The following TENM3 variants were observed in gnomAD, a reference collection of about 807,000 sequenced individuals.
TENM3 encodes the protein teneurin transmembrane protein 3.
TENM3 carries 63 observed loss-of-function variants against 255.1 expected under a neutral mutation model. The observed-to-expected ratio is 0.25, with a 90% CI of 0.20 to 0.30. The LOEUF (loss-of-function observed/expected upper bound fraction) is 0.30. TENM3 is among the 10% of genes least tolerant of loss of function. TENM3 has a pLI of 1.00. For missense variants in TENM3, 2,929 were observed against 3,461.1 expected (o/e 0.85, Z 3.86); for synonymous variants, 1,306 against 1,322.3 (o/e 0.99, Z 0.27).
chr4:182,362,379 GGA>G (rs145777403), intron 3 of TENM3, among the ~76,000 whole-genome samples: 151,152 of 151,678 alleles, frequency 1, 75,314 homozygotes, highest in Middle Eastern at 1. Context: ...CTACCCAGTT[GGA>G]GAGCTTCCCG....
intron 1 of TENM3, among the ~76,000 whole-genome samples, chr4:182,287,371 A>G (rs571442273): frequency 6.6e-6 from 1 of 152,152 alleles, no homozygotes; most frequent in African/African-American, 2.4e-5. Flanking sequence ...GCTGTAATAC[A>G]CCGAGCTTTT....
chr4:182,650,907 TATATATATATATATATAA>T (rs1222795334), intron 5 of TENM3, among the ~76,000 whole-genome samples: 3,249 of 36,394 alleles, frequency 0.089, 133 homozygotes, highest in African/African-American at 0.17. Flanking sequence ...TATATATATA[TATATATATATATATATAA>T]AACAAAGCTG....
chr4:182,650,889 A>AAAATATATATATATATATATATAT (rs1281790163), intron 5 of TENM3, among the ~76,000 whole-genome samples: 4 of 29,750 alleles, frequency 1.3e-4, no homozygotes, highest in African/African-American at 4.7e-4. Context: ...AATAAAAAAA[A>AAAATATATATATATATATATATAT]ATATATATAT....
chr4:182,075,755 C>T, the TENM3 span, among the ~76,000 whole-genome samples: 1 of 152,178 alleles, frequency 6.6e-6, no homozygotes, highest in Non-Finnish European at 1.5e-5. Flanking sequence ...TTCAGCCCTG[C>T]ACTCAAGGCT....
chr4:181,601,480 C>T, the TENM3 span, among the ~76,000 whole-genome samples: 1 of 152,138 alleles, frequency 6.6e-6, no homozygotes, highest in Admixed American at 6.5e-5. Context: ...GCTATGTCCT[C>T]ATATCATCAG....
the TENM3 span, among the ~76,000 whole-genome samples, chr4:182,008,584 C>T: frequency 6.6e-6 from 1 of 151,970 alleles, no homozygotes; most frequent in Non-Finnish European, 1.5e-5. Flanking sequence ...TCAGCTCCAT[C>T]AAGTTGTTTA....
At chr4:182,467,900 T>C (rs554857940) in intron 3 of TENM3, among the ~76,000 whole-genome samples, 11 of 152,126 alleles carry the variant, frequency 7.2e-5, no homozygotes, top group Non-Finnish European at 1.2e-4. Flanking sequence ...ATCAGGGACT[T>C]CAATCTGATA....
intron 24 of TENM3, among the ~76,000 whole-genome samples, chr4:182,779,039 C>CT (rs58176239): frequency 5.0e-4 from 49 of 98,088 alleles, no homozygotes; most frequent in Admixed American, 7.1e-4. Flanking sequence ...ACAATGTGTT[C>CT]TTTTTTTTTT....
chr4:182,696,005 CAT>C (rs1326863245), intron 12 of TENM3, among the ~76,000 whole-genome samples: 11 of 152,210 alleles, frequency 7.2e-5, no homozygotes, highest in East Asian at 1.9e-4. Context: ...CACTGAATCA[CAT>C]GAGTGCACCA....
chr4:181,528,458 T>C, the TENM3 span, among the ~76,000 whole-genome samples: 8 of 152,198 alleles, frequency 5.3e-5, no homozygotes, highest in African/African-American at 1.9e-4. Flanking sequence ...GACCTTCTCT[T>C]GTAAATGAGA....
chr4:182,058,492 G>C, the TENM3 span, among the ~76,000 whole-genome samples: 1 of 152,132 alleles, frequency 6.6e-6, no homozygotes, highest in Admixed American at 6.5e-5. Flanking sequence ...ATTCTTGACA[G>C]TGTTACAGTA....
At chr4:182,735,066 C>A (rs1287067357) in intron 16 of TENM3, among the ~76,000 whole-genome samples, 1 of 152,142 alleles carries the variant, frequency 6.6e-6, no homozygotes, top group Admixed American at 6.5e-5. Context: ...TATGGGAGAA[C>A]AATGAGTTAT....
the TENM3 span, among the ~76,000 whole-genome samples, chr4:181,450,032 T>G: frequency 6.6e-6 from 1 of 152,140 alleles, no homozygotes; most frequent in Non-Finnish European, 1.5e-5. Flanking sequence ...AAACTACTAT[T>G]TAATATGTAG....
chr4:181,839,302 C>T, the TENM3 span, among the ~76,000 whole-genome samples: 39,250 of 141,736 alleles, frequency 0.28, 5,850 homozygotes, highest in Middle Eastern at 0.34. Context: ...TTTATATCTT[C>T]TCTCTGTCTG....
At chr4:182,478,128 T>A (rs981554198) in intron 3 of TENM3, among the ~76,000 whole-genome samples, 3 of 152,134 alleles carry the variant, frequency 2.0e-5, no homozygotes, top group African/African-American at 7.2e-5. Flanking sequence ...TTTAGAATTT[T>A]GAATTTTAAA....
At chr4:181,961,417 G>GT in the TENM3 span, among the ~76,000 whole-genome samples, 1 of 152,056 alleles carries the variant, frequency 6.6e-6, no homozygotes, top group Non-Finnish European at 1.5e-5. Context: ...AGTTTTTGTG[G>GT]TTTTTTGTTG....
intron 12 of TENM3, among the ~76,000 whole-genome samples, chr4:182,697,080 A>C (rs557164338): frequency 6.6e-6 from 1 of 152,300 alleles, no homozygotes; most frequent in East Asian, 1.9e-4. Context: ...AGCACTTAGC[A>C]CAGTGCCTGG....
intron 1 of TENM3, among the ~76,000 whole-genome samples, chr4:182,249,931 T>G (rs1757890289): frequency 1.3e-5 from 2 of 151,848 alleles, no homozygotes. Context: ...CCTGGCTACT[T>G]TTTTTTAAGA....
chr4:182,341,984 A>T (rs548206639), intron 2 of TENM3, among the ~76,000 whole-genome samples: 6 of 152,334 alleles, frequency 3.9e-5, no homozygotes, highest in African/African-American at 1.4e-4. Flanking sequence ...CCAATAGATG[A>T]TAACAAGTGT....
Sources: gnomAD v4.1 joint callset for allele counts (sites outside exome capture counted in the v4.1 genomes callset) on GRCh38, gnomAD v4.1.1 for gene constraint, MANE v1.5 for transcripts, NCBI Gene and HGNC (gene_info 2026-07-23, HGNC 2026-07-21) for gene names.